ANTXR1: variants seen among roughly 807,000 people sequenced by gnomAD.
ANTXR1 encodes the protein anthrax toxin receptor 1.
A neutral mutation model predicts 78.1 loss-of-function variants in ANTXR1; 19 were observed. That is an observed-to-expected ratio of 0.24 (90% CI 0.17 to 0.36). The LOEUF (loss-of-function observed/expected upper bound fraction) is 0.36. Among genes scored for constraint, ANTXR1 ranks in the 10% least tolerant of loss-of-function variants. The pLI, the probability that ANTXR1 is intolerant of heterozygous loss-of-function variation, is 1.00. For synonymous variants in ANTXR1, 273 were observed against 260.5 expected (o/e 1.05, Z -0.46); for missense variants, 518 against 718.6 (o/e 0.72, Z 3.19).
At chr2:69,070,814 AT>A in intron 4 of ANTXR1, 86 bp downstream of exon 4, 1 of 1,259,922 alleles carries the variant, frequency 7.9e-7, no homozygotes, top group Non-Finnish European at 1.2e-6. Flanking sequence ...AGGCACTTAT[AT>A]TAAGAGGGCT....
rs1338499741 is a variant in ANTXR1, at chr2:69,152,151, T to C, written c.952-18T>C. ...TGGTCCCATCCCGCTGCTGACCGCC[T>C]CTCTCTTGGCCCTGCAGTCTGACGG... On this transcript the variant is annotated intron_variant, in intron 12 of 17. Transcript: ENST00000303714. The C allele has an allele frequency of 6.2e-7, 1 of 1,612,910 alleles. No homozygotes were observed. Among genetic ancestry groups the C allele is most frequent in the Non-Finnish European group, 8.5e-7 (1 of 1,179,210 alleles).
chr2:69,181,818 G>C lies in ANTXR1; in HGVS notation c.1122G>C (p.Lys374Asn). 6.2e-7 allele frequency: 1 copy of C among 1,614,172 alleles called. No individual in the cohort carries two copies. Among genetic ancestry groups the C allele is most frequent in the African/African-American group, 1.3e-5 (1 of 75,040 alleles). ...EEDDDGLPKK[K>N]WPTVDASYYG... ...ATGATGATGGTCTGCCTAAGAAAAA[G>C]TGGCCAACGGTAGACGCCTCTTATT... The change falls in exon 15 of 18, where the codon AAG (lysine) becomes AAC (asparagine). Residue 374 changes from lysine to asparagine, a missense_variant. Coordinates refer to ENST00000303714, the MANE Select transcript of ANTXR1 (RefSeq NM_032208.3).
chr2:69,050,965 T>G (rs1312690533), intron 3 of ANTXR1, among the ~76,000 whole-genome samples: 1 of 152,120 alleles, frequency 6.6e-6, no homozygotes, highest in Non-Finnish European at 1.5e-5. Context: ...CTGCTTCTTA[T>G]ATTGCAAGTT....
chr2:69,227,419 A>C (rs1573990950), intron 17 of ANTXR1, among the ~76,000 whole-genome samples: 2 of 152,142 alleles, frequency 1.3e-5, no homozygotes, highest in East Asian at 3.9e-4. Context: ...GCCTAATCCC[A>C]GAAGATCACC....
intron 9 of ANTXR1, among the ~76,000 whole-genome samples, chr2:69,098,444 A>G (rs542116724): frequency 1.3e-5 from 2 of 152,316 alleles, no homozygotes; most frequent in East Asian, 3.9e-4. Flanking sequence ...TGGCACAAAA[A>G]TCTTGGGTGA....
At chr2:69,122,180 A>G (rs1314429620) in intron 10 of ANTXR1, among the ~76,000 whole-genome samples, 2 of 152,202 alleles carry the variant, frequency 1.3e-5, no homozygotes, top group East Asian at 3.8e-4. Context: ...ACATGCCTTT[A>G]GTATGCCCTG....
At chr2:69,046,403 T>C (rs1200205288) in intron 3 of ANTXR1, among the ~76,000 whole-genome samples, 1 of 152,208 alleles carries the variant, frequency 6.6e-6, no homozygotes, top group Admixed American at 6.5e-5. Flanking sequence ...AGTCATCCTC[T>C]GAATCTACTG....
At chr2:69,115,389 A>G (rs1211828027) in intron 10 of ANTXR1, among the ~76,000 whole-genome samples, 1 of 152,224 alleles carries the variant, frequency 6.6e-6, no homozygotes, top group Non-Finnish European at 1.5e-5. Context: ...CGATGACCCC[A>G]ACAGTGCCCC....
chr2:69,216,103 A>T (rs1312120867), intron 17 of ANTXR1, among the ~76,000 whole-genome samples: 1 of 152,210 alleles, frequency 6.6e-6, no homozygotes, highest in African/African-American at 2.4e-5. Context: ...GTGAAAAGGA[A>T]GTGGCAGACA....
rs115570126 is a variant in ANTXR1 at position 69,153,514 on chromosome 2, C to G, written c.1047+1250C>G. ...CACAAGTCTTGGGTTAATTAGGACC[C>G]TGCAGGCTGGGCTGGACTTCACCAA... On this transcript the variant is annotated intron_variant, in intron 13 of 17. Coordinates refer to ENST00000303714, the MANE Select transcript of ANTXR1 (RefSeq NM_032208.3). Among the ~76,000 whole-genome samples, 393 of 152,266 alleles carry G rather than the reference C, an allele frequency of 2.6e-3. 4 individuals carry two copies. Among genetic ancestry groups the G allele is most frequent in the African/African-American group, 9.1e-3 (378 of 41,552 alleles).
rs539862587 is a variant in ANTXR1, at chr2:69,179,735, G to A, written c.1090-2051G>A. ...AGCTGGGTGACCTAAGTCATTTAAC[G>A]TCTCTATTCTCGTTCTCTAAAATAG... On this transcript the variant is annotated intron_variant, in intron 14 of 17. Transcript: ENST00000303714. 6.6e-5 allele frequency among the ~76,000 whole-genome samples: 10 copies of A among 152,178 alleles called. No individual in the cohort carries two copies. The East Asian group carries it at 9.7e-4, about 15-fold the overall frequency.
intron 17 of ANTXR1, among the ~76,000 whole-genome samples, chr2:69,205,550 C>G (rs1674875101): frequency 6.6e-6 from 1 of 152,090 alleles, no homozygotes; most frequent in South Asian, 2.1e-4. Context: ...ACTTTTCACT[C>G]CCTGAATAAG....
chr2:69,102,310 C>T (rs1671646308), intron 9 of ANTXR1, among the ~76,000 whole-genome samples: 1 of 152,386 alleles, frequency 6.6e-6, no homozygotes, highest in Non-Finnish European at 1.5e-5. Flanking sequence ...CCAGACCATA[C>T]ATAATGACAG....
At chr2:69,019,876 C>T (rs976764786) in intron 1 of ANTXR1, among the ~76,000 whole-genome samples, 1 of 152,138 alleles carries the variant, frequency 6.6e-6, no homozygotes, top group Non-Finnish European at 1.5e-5. Flanking sequence ...GGATAACAGC[C>T]TCCAGCTCCA....
At chr2:69,151,580 T>C (rs1473638860) in intron 12 of ANTXR1, among the ~76,000 whole-genome samples, 1 of 152,142 alleles carries the variant, frequency 6.6e-6, no homozygotes, top group Non-Finnish European at 1.5e-5. Context: ...CTCATTCCCA[T>C]GTAGCCACTT....
At chr2:69,085,878 C>A (rs1032828267) in intron 8 of ANTXR1, among the ~76,000 whole-genome samples, 1 of 152,308 alleles carries the variant, frequency 6.6e-6, no homozygotes, top group Admixed American at 6.5e-5. Context: ...CTAACTTAAA[C>A]GTTCAGGTTT....
chr2:69,146,164 G>A (rs1056201322), intron 12 of ANTXR1: 22 of 985,138 alleles, frequency 2.2e-5, no homozygotes, highest in African/African-American at 8.8e-5. Flanking sequence ...CCTTAATAGC[G>A]GGCCTCTGTG....
intron 17 of ANTXR1, among the ~76,000 whole-genome samples, chr2:69,216,141 T>C (rs1370891787): frequency 6.6e-6 from 1 of 152,226 alleles, no homozygotes; most frequent in Non-Finnish European, 1.5e-5. Flanking sequence ...AGTTTGCCTT[T>C]AGCAAGCTTC....
At chr2:69,211,578 C>G (rs1675045365) in intron 17 of ANTXR1, among the ~76,000 whole-genome samples, 1 of 152,210 alleles carries the variant, frequency 6.6e-6, no homozygotes, top group Non-Finnish European at 1.5e-5. Context: ...AATTGTTGCA[C>G]TTAGTGTTAA....
Sources: gnomAD v4.1 joint callset for allele counts (sites outside exome capture counted in the v4.1 genomes callset) on GRCh38, gnomAD v4.1.1 for gene constraint, MANE v1.5 for transcripts, NCBI Gene and HGNC (gene_info 2026-07-23, HGNC 2026-07-21) for gene names.